The following TTLL9 variants were observed in gnomAD, a reference collection of about 807,000 sequenced individuals.
TTLL9 encodes the protein probable tubulin polyglutamylase TTLL9.
Under a neutral mutation model 65.6 loss-of-function variants are expected in TTLL9, and 47 were observed. That is an observed-to-expected ratio of 0.72 (90% confidence interval 0.57 to 0.91). The LOEUF is 0.91. TTLL9 is among the 40% of genes least tolerant of loss of function. TTLL9 has a pLI of 0.00. For synonymous variants in TTLL9, 179 were observed against 204.8 expected, an observed-to-expected ratio of 0.87 and a Z score of 1.07; for missense variants, 537 against 568.8, an observed-to-expected ratio of 0.94 and a Z score of 0.57.
chr20:31,904,800 T>A (rs1375097653), intron 4 of TTLL9, among the ~76,000 whole-genome samples: 1 of 152,190 alleles, frequency 6.6e-6, no homozygotes, highest in Admixed American at 6.5e-5. Flanking sequence ...AATTATTTAG[T>A]ATCAGTTTGG....
intron 4 of TTLL9, among the ~76,000 whole-genome samples, chr20:31,902,883 A>T (rs761711137): frequency 2.8e-4 from 42 of 152,038 alleles, no homozygotes; most frequent in Non-Finnish European, 4.7e-4. Context: ...ATTTATTTAG[A>T]GAAAGGGTCT....
At position 31,927,208 on chromosome 20, in the gene TTLL9, G is replaced by T. The variant is rs914779056; in HGVS notation, c.748+1117G>T. ...TGGAAGAACAGACAAGAAGCTGGGTGCAGCGGCTCACACCTGTAATCCCAG... is the reference window on the plus strand; with the variant it reads ...TGGAAGAACAGACAAGAAGCTGGGTTCAGCGGCTCACACCTGTAATCCCAG... On this transcript the variant is annotated intron_variant, in intron 10 of 14. Transcript: ENST00000535842. Among the ~76,000 whole-genome samples the T allele has an allele frequency of 3.9e-5, 6 of 151,996 alleles. No homozygotes were observed. The South Asian group carries it at 6.2e-4, about 16-fold the overall frequency.
intron 2 of TTLL9, among the ~76,000 whole-genome samples, chr20:31,872,852 C>T (rs868060401): frequency 2.6e-5 from 4 of 152,130 alleles, no homozygotes; most frequent in Admixed American, 2.0e-4. Flanking sequence ...GTTAAGAGGA[C>T]GGTTCAGGGC....
chr20:31,895,527 A>G (rs1231936168), intron 3 of TTLL9, among the ~76,000 whole-genome samples: 1 of 151,982 alleles, frequency 6.6e-6, no homozygotes, highest in Non-Finnish European at 1.5e-5. Context: ...CTGGCTCTGT[A>G]TTTTTATTTT....
At chr20:31,905,718 A>G (rs1218541399) in intron 4 of TTLL9, among the ~76,000 whole-genome samples, 1 of 152,124 alleles carries the variant, frequency 6.6e-6, no homozygotes, top group Non-Finnish European at 1.5e-5. Context: ...CACAAGGAGA[A>G]GCAATTTAAA....
chr20:31,913,438 A>C (rs1397972038), intron 6 of TTLL9, among the ~76,000 whole-genome samples: 1 of 152,196 alleles, frequency 6.6e-6, no homozygotes, highest in Non-Finnish European at 1.5e-5. Flanking sequence ...GAGGGAGAAG[A>C]GTCCCCTGAA....
intron 14 of TTLL9, 136 bp from the exon 15 acceptor site, chr20:31,942,809 C>A: frequency 1.3e-6 from 1 of 798,810 alleles, no homozygotes; most frequent in Non-Finnish European, 2.1e-6. Flanking sequence ...AGGAATGGAG[C>A]CAGGATATAA....
rs2064270777 is a variant in TTLL9 at position 31,943,984 on chromosome 20, A to G, written c.*963A>G. The G allele has an allele frequency of 2.8e-6, 1 of 359,880 alleles. No homozygotes were observed. The highest frequency in any genetic ancestry group is 5.6e-6 in the Non-Finnish European group (1 of 179,748). The allele number at this position is 359,880 out of a possible 1,614,324, so 22.3% of individuals were successfully genotyped here. Reference sequence around the variant, plus strand: ...CCCTCTACCACTCCGCCTGCTTCAGAGTAGTTTCTCTGGCTGCAAATGGTT... The same window carrying G: ...CCCTCTACCACTCCGCCTGCTTCAGGGTAGTTTCTCTGGCTGCAAATGGTT... On this transcript the variant is annotated 3_prime_UTR_variant, in exon 15 of 15. Coordinates refer to ENST00000535842, the MANE Select transcript of TTLL9 (RefSeq NM_001008409.5).
chr20:31,895,057 TC>T (rs922045921), intron 3 of TTLL9, among the ~76,000 whole-genome samples: 1 of 152,152 alleles, frequency 6.6e-6, no homozygotes, highest in Non-Finnish European at 1.5e-5. Context: ...GAGACAAATC[TC>T]CAAGTAAAAA....
At chr20:31,884,466 A>G (rs192322057) in intron 2 of TTLL9, among the ~76,000 whole-genome samples, 176 of 152,212 alleles carry the variant, frequency 1.2e-3, no homozygotes, top group African/African-American at 4.1e-3. Context: ...ACCTCAAATG[A>G]TCTGCCTGCT....
intron 3 of TTLL9, among the ~76,000 whole-genome samples, chr20:31,889,978 C>CTTTCTTTCTTTT (rs1568751698): frequency 1.6e-5 from 1 of 60,820 alleles, no homozygotes; most frequent in Non-Finnish European, 3.0e-5. Flanking sequence ...CTCTCTCTTT[C>CTTTCTTTCTTTT]TTTCTTTCTT....
chr20:31,934,184 CTCTG>C (rs2064067291), intron 11 of TTLL9: 3 of 498,996 alleles, frequency 6.0e-6, no homozygotes, highest in Non-Finnish European at 1.1e-5. Flanking sequence ...TATTTTATCT[CTCTG>C]TCTATGTAAA....
intron 2 of TTLL9, among the ~76,000 whole-genome samples, chr20:31,884,452 C>T (rs547827600): frequency 6.6e-6 from 1 of 152,244 alleles, no homozygotes; most frequent in East Asian, 1.9e-4. Context: ...GTCTTGAACT[C>T]CTGACCTCAA....
chr20:31,915,399 A>G (rs1238981913), intron 6 of TTLL9, among the ~76,000 whole-genome samples: 2 of 152,152 alleles, frequency 1.3e-5, no homozygotes, highest in Non-Finnish European at 2.9e-5. Context: ...GGAGAATGGC[A>G]TGAATCCAGG....
chr20:31,870,971 A>T lies in TTLL9; in HGVS notation c.-6+22A>T. The stretch of plus-strand genomic sequence containing the variant: ...ATAAGTGGGTAATTCCTTCCGATAC[A>T]TCCTCTCCACCCGTGCAGAGACACC... On this transcript the variant is annotated intron_variant, in intron 1 of 14. Coordinates refer to ENST00000535842, the MANE Select transcript of TTLL9 (RefSeq NM_001008409.5). This position sits in a 1 kb window ranked among gnomAD's most constrained non-coding sequence, Gnocchi z 6.6. 1 of 739,022 alleles carries T rather than the reference A, an allele frequency of 1.4e-6. No homozygotes were observed. The highest frequency in any genetic ancestry group is 2.5e-5 in the East Asian group (1 of 40,396). The allele number at this position is 739,022 out of a possible 1,614,324, so 45.8% of individuals were successfully genotyped here.
intron 10 of TTLL9, among the ~76,000 whole-genome samples, chr20:31,930,151 A>G (rs2063983195): frequency 1.3e-5 from 2 of 151,882 alleles, no homozygotes; most frequent in Admixed American, 6.6e-5. Flanking sequence ...TAAAAATAAA[A>G]TATTTTTACC....
At chr20:31,918,288 TGAC>T (rs1387745892) in intron 6 of TTLL9, among the ~76,000 whole-genome samples, 1 of 152,150 alleles carries the variant, frequency 6.6e-6, no homozygotes, top group Non-Finnish European at 1.5e-5. Flanking sequence ...TTGTCCGAGA[TGAC>T]GAGATGACGG....
chr20:31,906,849 C>T (rs1160056440), intron 4 of TTLL9, among the ~76,000 whole-genome samples: 1 of 152,048 alleles, frequency 6.6e-6, no homozygotes, highest in Non-Finnish European at 1.5e-5. Context: ...GGGGTTTCAC[C>T]ATGTTGGCCA....
intron 8 of TTLL9, 136 bp from the exon 9 acceptor site, chr20:31,924,873 A>G: frequency 1.1e-6 from 1 of 950,356 alleles, no homozygotes; most frequent in Non-Finnish European, 1.7e-6. Flanking sequence ...CACCGCGCCT[A>G]GCCCCTTGTG....
Sources: gnomAD v4.1 joint callset for allele counts (sites outside exome capture counted in the v4.1 genomes callset) on GRCh38, gnomAD v4.1.1 for gene constraint, Gnocchi (gnomAD v3.1) non-coding constraint, MANE v1.5 for transcripts, NCBI Gene and HGNC (gene_info 2026-07-23, HGNC 2026-07-21) for gene names.